The following GAREM1 variants were observed in gnomAD, a reference collection of about 807,000 sequenced individuals.
GAREM1 encodes GRB2 associated regulator of MAPK1 subtype 1, also known as GRB2-associated and regulator of MAPK protein 1.
In GAREM1, 26 loss-of-function variants were observed where a neutral mutation model predicts 71.3. That is an observed-to-expected ratio of 0.36 (90% CI 0.27 to 0.51). The LOEUF is 0.51. Among genes scored for constraint, GAREM1 ranks in the 20% least tolerant of loss-of-function variants. GAREM1 has a pLI of 0.95. For synonymous variants in GAREM1, 440 were observed against 433.2 expected (o/e 1.02, Z -0.20); for missense variants, 1,026 against 1,103.1 (o/e 0.93, Z 0.99).
At chr18:32,279,908 T>C (rs907536617) in intron 4 of GAREM1, among the ~76,000 whole-genome samples, 1 of 152,154 alleles carries the variant, frequency 6.6e-6, no homozygotes, top group African/African-American at 2.4e-5. Context: ...TGAAACAGAA[T>C]GGCAATTAGT....
chr18:32,314,233 C>A (rs1342123948), intron 2 of GAREM1, among the ~76,000 whole-genome samples: 1 of 152,114 alleles, frequency 6.6e-6, no homozygotes, highest in Non-Finnish European at 1.5e-5. Context: ...CAGTTTTATA[C>A]CGTGCCCTTG....
Position 32,412,322 on chromosome 18 carries a change from G to T in GAREM1, c.122-19287C>A. 6 of 1,594,200 alleles carry T rather than the reference G, an allele frequency of 3.8e-6. No individual in the cohort carries two copies. The South Asian group carries it at 6.6e-5, about 18-fold the overall frequency. On this transcript the variant is annotated intron_variant, in intron 1 of 5. Coordinates refer to ENST00000269209, the MANE Select transcript of GAREM1 (RefSeq NM_001242409.2). ...GGCCTCCACCGCCATAGGGGCCAGA[G>T]TTTCTGCCTCCAAAATTTCCTCCCT... is the stretch of plus-strand genomic sequence containing the variant.
intron 2 of GAREM1, among the ~76,000 whole-genome samples, chr18:32,318,300 T>C (rs1278278596): frequency 6.6e-6 from 1 of 152,210 alleles, no homozygotes; most frequent in African/African-American, 2.4e-5. Context: ...CCATTTTGTG[T>C]GTGCCCCTCA....
chr18:32,465,254 A>G (rs1406456443), intron 1 of GAREM1, among the ~76,000 whole-genome samples: 1 of 152,234 alleles, frequency 6.6e-6, no homozygotes, highest in Non-Finnish European at 1.5e-5. Context: ...AAGAAAAGAA[A>G]AGAAAAAGAA....
At chr18:32,338,867 G>C (rs994804364) in intron 2 of GAREM1, among the ~76,000 whole-genome samples, 1 of 152,138 alleles carries the variant, frequency 6.6e-6, no homozygotes, top group African/African-American at 2.4e-5. Context: ...TTTTGGACAG[G>C]ATTAACATTT....
At chr18:32,388,978 T>C (rs2048171985) in intron 2 of GAREM1, among the ~76,000 whole-genome samples, 1 of 152,130 alleles carries the variant, frequency 6.6e-6, no homozygotes, top group South Asian at 2.1e-4. Flanking sequence ...AGTGAAGTAT[T>C]AGGGGGATGT....
chr18:32,469,872 C>A (rs1442609199), intron 1 of GAREM1, among the ~76,000 whole-genome samples: 1 of 152,122 alleles, frequency 6.6e-6, no homozygotes, highest in Non-Finnish European at 1.5e-5. Context: ...TCCTTTAAAT[C>A]TGTTTGGCGG....
intron 2 of GAREM1, among the ~76,000 whole-genome samples, chr18:32,377,273 T>C (rs35779665): frequency 0.088 from 13,382 of 152,184 alleles, 921 homozygotes; most frequent in African/African-American, 0.19. Flanking sequence ...CAGTACTATA[T>C]TGTTGTTGCT....
In GAREM1 at chr18:32,271,055, G is replaced by A. The variant is rs76348987; in HGVS notation, c.1567-672C>T. The stretch of plus-strand genomic sequence containing the variant: ...CCGAGAGGTGGGACCACAGGTGTGC[G>A]CCAGTACACCTGACTAATTTTTTGT... On this transcript the variant is annotated intron_variant, in intron 4 of 5. Transcript: ENST00000269209. Among the ~76,000 whole-genome samples the A allele has an allele frequency of 3.7e-3, 555 of 151,400 alleles. 5 individuals carry two copies. Among genetic ancestry groups the A allele is most frequent in the African/African-American group, 0.012 (502 of 41,120 alleles).
intron 4 of GAREM1, among the ~76,000 whole-genome samples, chr18:32,280,263 C>A (rs150942961): frequency 2.2e-4 from 33 of 152,184 alleles, no homozygotes; most frequent in African/African-American, 7.9e-4. Context: ...AGCTACTTTC[C>A]ACAGCTTATT....
rs566227886 is a variant in GAREM1, at chr18:32,392,766, C to T, written c.262+129G>A. 87 of 955,602 alleles carry T rather than the reference C, an allele frequency of 9.1e-5. No individual in the cohort carries two copies. The African/African-American group carries it at 1.2e-3, about 14-fold the overall frequency. The allele number at this position is 955,602 out of a possible 1,614,324, so 59.2% of individuals were successfully genotyped here. A position where few individuals can be genotyped will look rare whatever the true frequency, so the allele number is the denominator to read the frequency against. ...AATCTGAGCTTTCACTGATCAATAACCACACACAAATGTTTGATTCTCTAA... is the reference window on the plus strand; with the variant it reads ...AATCTGAGCTTTCACTGATCAATAATCACACACAAATGTTTGATTCTCTAA... On this transcript the variant is annotated intron_variant, in intron 2 of 5. Transcript: ENST00000269209.
chr18:32,402,603 C>T (rs985291892), intron 1 of GAREM1, among the ~76,000 whole-genome samples: 29 of 152,154 alleles, frequency 1.9e-4, no homozygotes, highest in Admixed American at 1.3e-3. Flanking sequence ...TAGGAGCTAT[C>T]GAGGCTCCAC....
At chr18:32,413,362 A>G in intron 1 of GAREM1, 2 of 664,234 alleles carry the variant, frequency 3.0e-6, no homozygotes, top group Admixed American at 2.9e-5. Context: ...ACAAAGACTC[A>G]TACAAATGTC....
At chr18:32,345,421 C>T (rs2047686055) in intron 2 of GAREM1, among the ~76,000 whole-genome samples, 1 of 152,122 alleles carries the variant, frequency 6.6e-6, no homozygotes, top group Non-Finnish European at 1.5e-5. Context: ...ACAGAAACAT[C>T]ATTCAATGAT....
intron 1 of GAREM1, among the ~76,000 whole-genome samples, chr18:32,419,006 G>A (rs963961086): frequency 2.0e-5 from 3 of 152,172 alleles, no homozygotes; most frequent in Non-Finnish European, 4.4e-5. Context: ...ATTCTCATCT[G>A]GAATTCAGGG....
chr18:32,336,845 C>T (rs538777726), intron 2 of GAREM1, among the ~76,000 whole-genome samples: 10 of 152,210 alleles, frequency 6.6e-5, no homozygotes, highest in Non-Finnish European at 1.3e-4. Flanking sequence ...AAAACTAAAA[C>T]TACTTGAAAA....
chr18:32,376,296 G>T (rs1435739048), intron 2 of GAREM1, among the ~76,000 whole-genome samples: 1 of 152,184 alleles, frequency 6.6e-6, no homozygotes, highest in Non-Finnish European at 1.5e-5. Context: ...GGGTAAACAA[G>T]AATGTGTCTT....
intron 2 of GAREM1, among the ~76,000 whole-genome samples, chr18:32,350,100 T>C (rs973067293): frequency 1.3e-5 from 2 of 152,182 alleles, no homozygotes; most frequent in African/African-American, 2.4e-5. Context: ...ACTTTTTATA[T>C]ACAGTAACTG....
chr18:32,325,250 T>G (rs1054926867), intron 2 of GAREM1, among the ~76,000 whole-genome samples: 1 of 152,070 alleles, frequency 6.6e-6, no homozygotes, highest in Non-Finnish European at 1.5e-5. Context: ...GCACAGAGGT[T>G]TTTTAGGGCA....
Sources: allele counts gnomAD v4.1 joint callset (sites outside exome capture counted in the v4.1 genomes callset), GRCh38; gene constraint gnomAD v4.1.1; transcripts MANE v1.5; gene names NCBI Gene and HGNC (gene_info 2026-07-23, HGNC 2026-07-21).